Variants in MEIS2 observed in about 807,000 individuals in gnomAD.
MEIS2 encodes the protein homeobox protein Meis2.
Under a neutral mutation model 58.6 loss-of-function variants are expected in MEIS2, and 9 were observed. That is an observed-to-expected ratio of 0.15 (90% CI 0.09 to 0.27). MEIS2 has a LOEUF of 0.27. Among genes scored for constraint, MEIS2 ranks in the 10% least tolerant of loss-of-function variants. The pLI, the probability that MEIS2 is intolerant of heterozygous loss-of-function variation, is 1.00. For missense variants in MEIS2, 427 were observed against 635.0 expected (o/e 0.67, Z 3.52); for synonymous variants, 221 against 228.4 (o/e 0.97, Z 0.29).
At chr15:37,046,630 T>C (rs1444644405) in intron 7 of MEIS2, among the ~76,000 whole-genome samples, 1 of 152,162 alleles carries the variant, frequency 6.6e-6, no homozygotes, top group Non-Finnish European at 1.5e-5. Context: ...GTATTTTCCA[T>C]ATCATGTTGA....
chr15:37,060,220 C>T (rs1889023396), intron 7 of MEIS2, among the ~76,000 whole-genome samples: 1 of 152,176 alleles, frequency 6.6e-6, no homozygotes, highest in South Asian at 2.1e-4. Flanking sequence ...GGATTACAGG[C>T]ATGAGCAAAC....
chr15:37,095,258 A>G lies in MEIS2; in HGVS notation c.438+306T>C, dbSNP rs550547201. Among the ~76,000 whole-genome samples the G allele has an allele frequency of 1.5e-3, 221 of 150,162 alleles. 1 individual carries two copies. The highest frequency in any genetic ancestry group is 4.4e-3 in the South Asian group (21 of 4,738). On this transcript the variant is annotated intron_variant, in intron 4 of 11. Coordinates refer to ENST00000561208, the MANE Select transcript of MEIS2 (RefSeq NM_170675.5). ...GGCTCGGCCGCCTGCCCCGGCAAACAGAGGAAATAACTCACTTCTCGCAGT... is the reference window on the plus strand; with the variant it reads ...GGCTCGGCCGCCTGCCCCGGCAAACGGAGGAAATAACTCACTTCTCGCAGT...
chr15:37,097,977 C>T lies in MEIS2; in HGVS notation c.235G>A (p.Ala79Thr). The T allele has an allele frequency of 1.3e-6, 2 of 1,599,356 alleles. No individual in the cohort carries two copies. Among genetic ancestry groups the T allele is most frequent in the Non-Finnish European group, 8.5e-7 (1 of 1,170,846 alleles). Residue 79 changes from alanine (A) to threonine (T), a missense_variant, in exon 2 of 12, where the codon GCG (alanine) becomes ACG (threonine). Around this residue, in one of 6 missense-constraint regions of MEIS2, gnomAD observed 138 missense variants for 263.0 expected, o/e 0.52. Transcript: ENST00000561208. ...GGGGGGTCAGTTTACCCATAGATCG[C>T]GTCCTTGTCCCGCTTCAAGGCGTCG... ...VNDALKRDKD[A>T]IYGHPLFPLL...
In MEIS2 at chr15:37,049,234, TC is replaced by T. The variant is rs2062805057; in HGVS notation, c.755-12276del. Among the ~76,000 whole-genome samples the T allele has an allele frequency of 2.0e-5, 3 of 152,288 alleles. No individual in the cohort carries two copies. The South Asian group carries it at 6.2e-4, about 32-fold the overall frequency. On this transcript the variant is annotated intron_variant, in intron 7 of 11. Coordinates refer to ENST00000561208, the MANE Select transcript of MEIS2 (RefSeq NM_170675.5). ...TAGGATAGCACAAGTTGATCATTCT[TC>T]GTATAGCCTATACAGGAAAGAACAG... is the stretch of plus-strand genomic sequence containing the variant.
intron 8 of MEIS2, among the ~76,000 whole-genome samples, chr15:36,959,319 A>C (rs1049150408): frequency 6.6e-6 from 1 of 152,040 alleles, no homozygotes; most frequent in African/African-American, 2.4e-5. Flanking sequence ...TTTCTTTGCC[A>C]CCCTATCTTT....
intron 9 of MEIS2, among the ~76,000 whole-genome samples, chr15:36,918,770 T>C (rs1595721642): frequency 6.6e-6 from 1 of 152,048 alleles, no homozygotes; most frequent in Non-Finnish European, 1.5e-5. Flanking sequence ...ACATACCAGA[T>C]AGAGAAAACT....
chr15:36,922,923 G>C (rs2141302236), intron 9 of MEIS2, among the ~76,000 whole-genome samples: 2 of 152,090 alleles, frequency 1.3e-5, no homozygotes, highest in Middle Eastern at 6.8e-3. Context: ...GCCAAACATA[G>C]TATAACTTTC....
rs565912913 is a variant in MEIS2 at position 37,071,827 on chromosome 15, A to C, written c.754+11944T>G. ...ATTGCCTGTGAGTGCTCTATGCCCC[A>C]AAAAGAATCATTATTCACCCAACAT... On this transcript the variant is annotated intron_variant, in intron 7 of 11. Coordinates refer to ENST00000561208, the MANE Select transcript of MEIS2 (RefSeq NM_170675.5). 1.8e-4 allele frequency among the ~76,000 whole-genome samples: 27 copies of C among 152,170 alleles called. 1 individual carries two copies. The South Asian group carries it at 5.0e-3, about 28-fold the overall frequency.
At chr15:36,933,536 C>T (rs1299567551) in intron 9 of MEIS2, among the ~76,000 whole-genome samples, 1 of 149,684 alleles carries the variant, frequency 6.7e-6, no homozygotes, top group African/African-American at 2.5e-5. Context: ...TTAATGAATC[C>T]CAGACTCTAG....
intron 7 of MEIS2, among the ~76,000 whole-genome samples, chr15:37,039,688 T>A (rs1219672100): frequency 6.6e-6 from 1 of 152,172 alleles, no homozygotes; most frequent in Non-Finnish European, 1.5e-5. Context: ...GACAGGAGCA[T>A]CACATAAATT....
chr15:36,961,316 C>A (rs2059171951), intron 8 of MEIS2, among the ~76,000 whole-genome samples: 1 of 152,026 alleles, frequency 6.6e-6, no homozygotes, highest in Non-Finnish European at 1.5e-5. Flanking sequence ...AGATCATAAA[C>A]CATCTAATCT....
chr15:36,891,724 A>C lies in MEIS2; in HGVS notation c.*449T>G, dbSNP rs935239419. 1 of 163,294 alleles carries C rather than the reference A, an allele frequency of 6.1e-6. No homozygotes were observed. Among genetic ancestry groups the C allele is most frequent in the Non-Finnish European group, 1.3e-5 (1 of 74,312 alleles). The allele number at this position is 163,294 out of a possible 1,614,324, so 10.1% of individuals were successfully genotyped here. A position where few individuals can be genotyped will look rare whatever the true frequency, so the allele number is the denominator to read the frequency against. On this transcript the variant is annotated 3_prime_UTR_variant, in exon 12 of 12. Coordinates refer to ENST00000561208, the MANE Select transcript of MEIS2 (RefSeq NM_170675.5). Reference sequence around the variant, plus strand: ...AGTGTGGTTCTTTTCTCATTGGCCCAACAGGTTTAAAATATATACCACAGT... The same window carrying C: ...AGTGTGGTTCTTTTCTCATTGGCCCCACAGGTTTAAAATATATACCACAGT...
At chr15:36,978,257 A>G (rs1232140770) in intron 8 of MEIS2, among the ~76,000 whole-genome samples, 2 of 152,232 alleles carry the variant, frequency 1.3e-5, no homozygotes, top group African/African-American at 4.8e-5. Context: ...AGTGCACAGT[A>G]TGTGCCAGAG....
chr15:37,069,867 G>A (rs1890458616), intron 7 of MEIS2, among the ~76,000 whole-genome samples: 1 of 152,100 alleles, frequency 6.6e-6, no homozygotes, highest in Non-Finnish European at 1.5e-5. Context: ...TCCCATGGGT[G>A]GACAGTATAT....
intron 2 of MEIS2, among the ~76,000 whole-genome samples, chr15:37,096,874 T>G (rs920425980): frequency 6.6e-6 from 1 of 152,176 alleles, no homozygotes; most frequent in Admixed American, 6.5e-5. Flanking sequence ...ACTCTGCATT[T>G]TAATGGGCAT....
At chr15:37,036,284 T>C (rs1374397179) in intron 8 of MEIS2, 1 of 152,194 alleles carries the variant, frequency 6.6e-6, no homozygotes, top group Non-Finnish European at 1.5e-5. Flanking sequence ...ACAGCACCTA[T>C]AACCCTTCTG....
chr15:36,930,467 C>T (rs947819218), intron 9 of MEIS2, among the ~76,000 whole-genome samples: 54 of 152,218 alleles, frequency 3.5e-4, no homozygotes, highest in African/African-American at 1.2e-3. Flanking sequence ...CTGTAAGTTA[C>T]GCTGACAAGG....
At chr15:37,052,318 TCA>T (rs2062957388) in intron 7 of MEIS2, among the ~76,000 whole-genome samples, 2 of 152,236 alleles carry the variant, frequency 1.3e-5, no homozygotes, top group Non-Finnish European at 2.9e-5. Context: ...AGGCTGTATC[TCA>T]ACCACAGGAC....
chr15:37,087,121 G>A (rs1010961688), intron 6 of MEIS2, among the ~76,000 whole-genome samples: 2 of 152,022 alleles, frequency 1.3e-5, no homozygotes, highest in Admixed American at 6.6e-5. Context: ...AAAGAGAAAC[G>A]CTCGCCGGGT....
Sources: allele counts gnomAD v4.1 joint callset (sites outside exome capture counted in the v4.1 genomes callset), GRCh38; gene constraint gnomAD v4.1.1; regional missense constraint gnomAD v4.1.1; transcripts MANE v1.5; gene names NCBI Gene and HGNC (gene_info 2026-07-23, HGNC 2026-07-21).